The following PRRX2 variants were observed in gnomAD, a reference collection of about 807,000 sequenced individuals.
The protein encoded by PRRX2 is paired mesoderm homeobox protein 2.
In PRRX2, 11 loss-of-function variants were observed where a neutral mutation model predicts 18.0. The observed-to-expected ratio is 0.61, with a 90% CI of 0.39 to 1.01. PRRX2 has a LOEUF of 1.01. PRRX2 is among the 50% of genes least tolerant of loss of function. PRRX2 has a pLI of 0.01. For synonymous variants in PRRX2, 177 were observed against 154.8 expected (o/e 1.14, Z -1.06); for missense variants, 387 against 351.0 (o/e 1.10, Z -0.82).
intron 2 of PRRX2, among the ~76,000 whole-genome samples, chr9:129,720,321 AAGCACCTCGCTCCC>A (rs1832773266): frequency 6.6e-6 from 1 of 151,646 alleles, no homozygotes; most frequent in African/African-American, 2.4e-5. Flanking sequence ...AGTGCTCAGC[AAGCACCTCGCTCCC>A]AGTGGCCGAG....
chr9:129,686,485 C>T (rs1332651505), intron 1 of PRRX2, among the ~76,000 whole-genome samples: 1 of 152,152 alleles, frequency 6.6e-6, no homozygotes, highest in African/African-American at 2.4e-5. Flanking sequence ...TAGCTGGCCA[C>T]AGGTGCACGC....
intron 1 of PRRX2, 82 bp from the exon 2 acceptor site, chr9:129,719,144 TCAGAG>T: frequency 7.5e-7 from 1 of 1,325,256 alleles, no homozygotes; most frequent in South Asian, 1.6e-5. Context: ...ACTAAAGCAC[TCAGAG>T]CAAACTGCAG....
intron 1 of PRRX2, among the ~76,000 whole-genome samples, chr9:129,685,563 G>A (rs1405155526): frequency 6.6e-6 from 1 of 151,874 alleles, no homozygotes; most frequent in African/African-American, 2.4e-5. Flanking sequence ...CGAGCGTCTC[G>A]AACTGCTGGA....
In PRRX2 at chr9:129,720,766, C is replaced by T. The variant is rs1832779845; in HGVS notation, c.618C>T (p.Ser206=). 9.5e-6 allele frequency: 15 copies of T among 1,585,950 alleles called. No homozygotes were observed. Among genetic ancestry groups the T allele is most frequent in the Non-Finnish European group, 1.3e-5 (15 of 1,164,522 alleles). ...ATTATCTCTCCTGGACAGCCTCGTCCCCCTACAGGTGAGAGCGGGAACACC... is the reference window on the plus strand; with the variant it reads ...ATTATCTCTCCTGGACAGCCTCGTCTCCCTACAGGTGAGAGCGGGAACACC... ...SPDYLSWTAS[S]PYSTVPPYSP... Residue 206 remains serine, a synonymous_variant, in exon 3 of 4, where the codon TCC becomes TCT. Coordinates refer to ENST00000372469, the MANE Select transcript of PRRX2 (RefSeq NM_016307.4).
intron 1 of PRRX2, among the ~76,000 whole-genome samples, chr9:129,714,535 C>T (rs1832678711): frequency 6.6e-6 from 1 of 152,202 alleles, no homozygotes; most frequent in Non-Finnish European, 1.5e-5. Context: ...TGGCTGAGCG[C>T]ATCCCATCAC....
At chr9:129,717,360 G>A (rs772576724) in intron 1 of PRRX2, among the ~76,000 whole-genome samples, 73 of 151,870 alleles carry the variant, frequency 4.8e-4, no homozygotes, top group Non-Finnish European at 3.2e-4. Flanking sequence ...GTGAGCCACC[G>A]CGCCTGGCCA....
rs111270890 is a variant in PRRX2, at chr9:129,715,747, T to TTCTCTCTCTCTC, written c.260-3480_260-3479insTCTCTCTCTCTC. ...TCCAAACCCAGCTTCAGGGACATCT[T>TTCTCTCTCTCTC]TCTCACACACACACACACACACACA... On this transcript the variant is annotated intron_variant, in intron 1 of 3. Coordinates refer to ENST00000372469, the MANE Select transcript of PRRX2 (RefSeq NM_016307.4). This position sits in a 1 kb window ranked among gnomAD's most constrained non-coding sequence, Gnocchi z 4.0. Among the ~76,000 whole-genome samples the TTCTCTCTCTCTC allele has an allele frequency of 2.0e-3, 220 of 112,766 alleles. 2 individuals are homozygous for TTCTCTCTCTCTC. The East Asian group carries it at 0.02, about 10-fold the overall frequency. 74.0% of individuals were successfully genotyped at this position (112,766 alleles called of 152,430 possible). A position where few individuals can be genotyped will look rare whatever the true frequency, so the allele number is the denominator to read the frequency against.
intron 1 of PRRX2, among the ~76,000 whole-genome samples, chr9:129,679,250 C>A (rs987774258): frequency 6.6e-6 from 1 of 152,180 alleles, no homozygotes; most frequent in Non-Finnish European, 1.5e-5. Context: ...AAGGCCATCC[C>A]AGGCTATCTG....
intron 1 of PRRX2, among the ~76,000 whole-genome samples, chr9:129,679,216 G>A (rs1231100090): frequency 6.6e-6 from 1 of 152,200 alleles, no homozygotes; most frequent in Non-Finnish European, 1.5e-5. Flanking sequence ...TGGGGTGGAA[G>A]CTTTGTTCAC....
chr9:129,691,929 G>GTATTTATT lies in PRRX2; in HGVS notation c.259+25805_259+25806insTTTATTTA, dbSNP rs148153811. ...TGAGCCATCGTGCCTGGCCTAGACG[G>GTATTTATT]TACTTATTTATTTATTTATTTATTT... On this transcript the variant is annotated intron_variant, in intron 1 of 3. Transcript: ENST00000372469. 8.2e-4 allele frequency among the ~76,000 whole-genome samples: 122 copies of GTATTTATT among 148,312 alleles called. 1 individual carries two copies. Among genetic ancestry groups the GTATTTATT allele is most frequent in the Non-Finnish European group, 1.0e-3 (68 of 67,236 alleles).
chr9:129,701,932 A>G (rs1325396816), intron 1 of PRRX2, among the ~76,000 whole-genome samples: 1 of 151,898 alleles, frequency 6.6e-6, no homozygotes, highest in African/African-American at 2.4e-5. Flanking sequence ...AACCCCATCC[A>G]TACTAAAAAT....
Position 129,675,354 on chromosome 9 carries a change from C to T in PRRX2, c.259+9228C>T, listed in dbSNP as rs889686336. Among the ~76,000 whole-genome samples, 4 of 152,180 alleles carry T rather than the reference C, an allele frequency of 2.6e-5. No individual in the cohort carries two copies. The highest frequency in any genetic ancestry group is 3.9e-4 in the East Asian group (2 of 5,188). On this transcript the variant is annotated intron_variant, in intron 1 of 3. Coordinates refer to ENST00000372469, the MANE Select transcript of PRRX2 (RefSeq NM_016307.4). The surrounding 1 kb of genome is among the most constrained non-coding windows in gnomAD (Gnocchi z 4.4). ...GAATGCAGGGGTGATGTGATAGGGA[C>T]GATTCCTGTCTCTCCCTCACCAGCA...
In PRRX2 at chr9:129,719,214, C is replaced by CT. The variant is rs564207520; in HGVS notation, c.260-17_260-16insT. ...CTGGCCGTCCTGCTGACCATCCCGC[C>CT]CCCCCAACCTCCGCAGGTGAGTGTC... On this transcript the variant is annotated splice_polypyrimidine_tract_variant and intron_variant, in intron 1 of 3. Coordinates refer to ENST00000372469, the MANE Select transcript of PRRX2 (RefSeq NM_016307.4). The CT allele has an allele frequency of 1.1e-4, 164 of 1,550,964 alleles. No individual in the cohort carries two copies. The African/African-American group carries it at 2.0e-3, about 19-fold the overall frequency.
intron 1 of PRRX2, among the ~76,000 whole-genome samples, chr9:129,689,300 G>A (rs189104092): frequency 1.2e-4 from 18 of 152,300 alleles, no homozygotes; most frequent in Non-Finnish European, 1.0e-4. Flanking sequence ...GGGCTTCCTC[G>A]TTTGGAAAAG....
intron 1 of PRRX2, among the ~76,000 whole-genome samples, chr9:129,710,461 C>T (rs1207961853): frequency 1.3e-5 from 2 of 152,164 alleles, no homozygotes; most frequent in African/African-American, 2.4e-5. Flanking sequence ...TGGCCGGGCG[C>T]GGTGGCTCAC....
At chr9:129,694,580 C>T (rs7868433) in intron 1 of PRRX2, among the ~76,000 whole-genome samples, 5,539 of 152,152 alleles carry the variant, frequency 0.036, 333 homozygotes, top group African/African-American at 0.13. Context: ...GGAGGCAGCG[C>T]GGTTCAGGGG....
At position 129,719,389 on chromosome 9, in the gene PRRX2, C is replaced by A. The variant is rs773632263; in HGVS notation, c.418C>A (p.Arg140Ser). 5 of 1,550,386 alleles carry A rather than the reference C, an allele frequency of 3.2e-6. No individual in the cohort carries two copies. In the South Asian group the frequency reaches 5.9e-5, roughly 18 times the overall value. Residue 140 changes from arginine to serine, a missense_variant, in exon 2 of 4, where the codon CGC becomes AGC. Coordinates refer to ENST00000372469, the MANE Select transcript of PRRX2 (RefSeq NM_016307.4). ...CTTTGTGCGCGAGGAGCTTGCCCGG[C>A]GCGTCAACCTCAGCGAGGCGCGCGT... ...DAFVREELAR[R>S]VNLSEARVQV...
At position 129,722,341 on chromosome 9, in the gene PRRX2, A is replaced by G; in HGVS notation, c.751A>G (p.Thr251Ala). The change falls in exon 4 of 4, where the codon ACG (threonine) becomes GCG (alanine). Residue 251 changes from threonine to alanine, a missense_variant. Physicochemically the swap from Thr to Ala is moderately conservative, Grantham distance 58. Transcript: ENST00000372469. ...CAGCCTGCACCACAGCCAGGTGCCT[A>G]CGGTGAACTGAAGTCCAGTCCCACC... ...EFSLHHSQVP[T>A]VN The G allele has an allele frequency of 6.2e-7, 1 of 1,613,914 alleles. No individual in the cohort carries two copies. The highest frequency in any genetic ancestry group is 8.5e-7 in the Non-Finnish European group (1 of 1,179,986).
chr9:129,696,893 G>C (rs1038387087), intron 1 of PRRX2, among the ~76,000 whole-genome samples: 2 of 152,144 alleles, frequency 1.3e-5, no homozygotes, highest in African/African-American at 4.8e-5. Context: ...TTGAAGAGGG[G>C]GTGCAGCGCG....
Sources: gnomAD v4.1 joint callset for allele counts (sites outside exome capture counted in the v4.1 genomes callset) on GRCh38, gnomAD v4.1.1 for gene constraint, Gnocchi (gnomAD v3.1) non-coding constraint, MANE v1.5 for transcripts, NCBI Gene and HGNC (gene_info 2026-07-23, HGNC 2026-07-21) for gene names.